ESRRG: variants seen among roughly 807,000 people sequenced by gnomAD.
ESRRG encodes estrogen related receptor gamma, also known as estrogen-related receptor gamma.
ESRRG carries 13 observed loss-of-function variants against 44.0 expected under a neutral mutation model. The ratio of observed to expected loss-of-function variants is 0.30; its 90% CI spans 0.19 to 0.47. The LOEUF (loss-of-function observed/expected upper bound fraction) is 0.47, where lower values mean the gene tolerates loss of function less well. ESRRG is among the 20% of genes least tolerant of loss of function. The pLI, the probability that ESRRG is intolerant of heterozygous loss-of-function variation, is 1.00. For synonymous variants in ESRRG, 215 were observed against 214.6 expected, an observed-to-expected ratio of 1.00 and a Z score of -0.02; for missense variants, 395 against 580.6, an observed-to-expected ratio of 0.68 and a Z score of 3.29.
At chr1:216,978,789 A>G (rs2073419244) in intron 1 of ESRRG, among the ~76,000 whole-genome samples, 1 of 152,170 alleles carries the variant, frequency 6.6e-6, no homozygotes, top group Admixed American at 6.6e-5. Context: ...TAATGAAATG[A>G]GAGCTGTGAG....
chr1:216,674,405 T>C (rs1320710243), intron 2 of ESRRG, among the ~76,000 whole-genome samples: 1 of 152,192 alleles, frequency 6.6e-6, no homozygotes, highest in African/African-American at 2.4e-5. Flanking sequence ...GAAAGATTTT[T>C]GTAAGAAAAT....
At chr1:217,008,016 A>G (rs1362527318) in intron 1 of ESRRG, among the ~76,000 whole-genome samples, 1 of 152,222 alleles carries the variant, frequency 6.6e-6, no homozygotes, top group Non-Finnish European at 1.5e-5. Context: ...CTCACATTAT[A>G]GTCTTACATT....
chr1:217,115,626 G>A (rs1316231164), intron 1 of ESRRG, among the ~76,000 whole-genome samples: 1 of 152,086 alleles, frequency 6.6e-6, no homozygotes, highest in Non-Finnish European at 1.5e-5. Flanking sequence ...TGAAACTTCT[G>A]TAAGGTTAGC....
chr1:216,785,698 T>A (rs1274410813), intron 2 of ESRRG, among the ~76,000 whole-genome samples: 3 of 151,730 alleles, frequency 2.0e-5, no homozygotes, highest in African/African-American at 7.3e-5. Context: ...TCACTGTTTG[T>A]TTTTTTTGCT....
At chr1:216,609,472 G>C (rs1331821886) in intron 3 of ESRRG, among the ~76,000 whole-genome samples, 2 of 152,172 alleles carry the variant, frequency 1.3e-5, no homozygotes, top group African/African-American at 2.4e-5. Flanking sequence ...TTCTGCAGCA[G>C]AGCCCTGAAC....
chr1:216,826,198 A>AC (rs2095391046), intron 2 of ESRRG, among the ~76,000 whole-genome samples: 3 of 151,680 alleles, frequency 2.0e-5, no homozygotes, highest in African/African-American at 7.3e-5. Flanking sequence ...CAAAAAAAAA[A>AC]AAAAACACAC....
chr1:216,669,291 G>A (rs1377886939), intron 2 of ESRRG, among the ~76,000 whole-genome samples: 4 of 152,138 alleles, frequency 2.6e-5, no homozygotes, highest in South Asian at 2.1e-4. Flanking sequence ...AGAACAAACC[G>A]TGGAAAAGGA....
chr1:216,953,182 C>A (rs1286389803), intron 1 of ESRRG, among the ~76,000 whole-genome samples: 1 of 152,100 alleles, frequency 6.6e-6, no homozygotes, highest in African/African-American at 2.4e-5. Flanking sequence ...AATAATTATC[C>A]ATCCATCTCG....
intron 1 of ESRRG, among the ~76,000 whole-genome samples, chr1:216,995,130 A>C (rs1366406753): frequency 6.6e-6 from 1 of 152,152 alleles, no homozygotes; most frequent in East Asian, 1.9e-4. Context: ...GACTCAGGAG[A>C]CCAAAGGCCA....
At chr1:217,051,093 C>A (rs553776981) in intron 1 of ESRRG, among the ~76,000 whole-genome samples, 141 of 151,226 alleles carry the variant, frequency 9.3e-4, no homozygotes, top group African/African-American at 3.3e-3. Flanking sequence ...TTTTTTCCTT[C>A]TTATTTCATA....
At chr1:216,792,396 G>A (rs575214805) in intron 2 of ESRRG, among the ~76,000 whole-genome samples, 1 of 151,560 alleles carries the variant, frequency 6.6e-6, no homozygotes, top group Non-Finnish European at 1.5e-5. Flanking sequence ...TATTTCCAGG[G>A]TTTTTTTTGC....
At chr1:216,684,699 G>T (rs1170716667) in intron 1 of ESRRG, among the ~76,000 whole-genome samples, 1 of 152,132 alleles carries the variant, frequency 6.6e-6, no homozygotes, top group Admixed American at 6.5e-5. Context: ...CTCCTCCACT[G>T]CCAAGTCCAA....
chr1:217,123,751 TA>T (rs957974110), intron 1 of ESRRG, among the ~76,000 whole-genome samples: 2 of 151,800 alleles, frequency 1.3e-5, no homozygotes, highest in Admixed American at 1.3e-4. Flanking sequence ...TGGAGCCTGT[TA>T]GGGGAGAGTA....
rs565244817 is a variant in ESRRG, at chr1:216,653,852, G to A, written c.473-2763C>T. Among the ~76,000 whole-genome samples the A allele has an allele frequency of 1.1e-4, 16 of 151,918 alleles. No homozygotes were observed. In the South Asian group the frequency reaches 2.9e-3, roughly 28 times the overall value. On this transcript the variant is annotated intron_variant, in intron 2 of 6. Transcript: ENST00000408911. ...ATCCAAGCCAGGTGCAGTGGTTCACGCCTGTAATTCCAACACTTTGGGAGG... is the reference window on the plus strand; with the variant it reads ...ATCCAAGCCAGGTGCAGTGGTTCACACCTGTAATTCCAACACTTTGGGAGG...
intron 2 of ESRRG, among the ~76,000 whole-genome samples, chr1:216,744,060 G>C (rs1243626534): frequency 6.6e-6 from 1 of 152,056 alleles, no homozygotes; most frequent in African/African-American, 2.4e-5. Flanking sequence ...TTTTATCTAA[G>C]TGATGAGCAG....
At chr1:217,035,705 G>T (rs1345517563) in intron 1 of ESRRG, among the ~76,000 whole-genome samples, 1 of 151,678 alleles carries the variant, frequency 6.6e-6, no homozygotes, top group Non-Finnish European at 1.5e-5. Context: ...ATCAGGAGCT[G>T]GAGGCAGAAC....
rs530848043 is a variant in ESRRG at position 216,654,162 on chromosome 1, TAAGTAA to T, written c.473-3079_473-3074del. 1.9e-3 allele frequency among the ~76,000 whole-genome samples: 292 copies of T among 151,488 alleles called. 1 individual carries two copies. Among genetic ancestry groups the T allele is most frequent in the African/African-American group, 6.7e-3 (275 of 41,314 alleles). On this transcript the variant is annotated intron_variant, in intron 2 of 6. Transcript: ENST00000408911. ...AAAAAATCCACCAAAAAGTAATATA[TAAGTAA>T]AAGAATATACTTATAATAACTTAGA... is the stretch of plus-strand genomic sequence containing the variant.
intron 2 of ESRRG, among the ~76,000 whole-genome samples, chr1:216,938,709 C>A (rs913716437): frequency 4.0e-4 from 61 of 152,286 alleles, no homozygotes; most frequent in Admixed American, 3.5e-3. Context: ...GATTCCTGTG[C>A]ACCTACTCTG....
chr1:216,552,961 T>A (rs1473305466), intron 5 of ESRRG, among the ~76,000 whole-genome samples: 1 of 152,192 alleles, frequency 6.6e-6, no homozygotes, highest in Non-Finnish European at 1.5e-5. Context: ...TTCCATGTTT[T>A]TCCGCAAAAG....
Sources: allele counts gnomAD v4.1 joint callset (sites outside exome capture counted in the v4.1 genomes callset), GRCh38; gene constraint gnomAD v4.1.1; transcripts MANE v1.5; gene names NCBI Gene and HGNC (gene_info 2026-07-23, HGNC 2026-07-21).